Variants in C3orf52 observed in about 807,000 individuals in gnomAD.
C3orf52 encodes TPA-induced transmembrane protein.
C3orf52 carries 22 observed loss-of-function variants against 24.8 expected under a neutral mutation model. That is an observed-to-expected ratio of 0.89 (90% CI 0.63 to 1.27). The LOEUF (loss-of-function observed/expected upper bound fraction) is 1.27. C3orf52 is among the 50% of genes most tolerant of loss of function. The pLI, the probability that C3orf52 is intolerant of heterozygous loss-of-function variation, is 0.00. For missense variants in C3orf52, 265 were observed against 260.7 expected (o/e 1.02, Z -0.11); for synonymous variants, 93 against 100.2 (o/e 0.93, Z 0.43).
downstream of C3orf52, chr3:112,130,608 TTGTG>T: frequency 1.8e-6 from 2 of 1,096,606 alleles, no homozygotes; most frequent in South Asian, 1.2e-5. Context: ...TTTCTGCTAT[TTGTG>T]TGTAACTCAG....
chr3:112,134,731 A>G (rs1402942538), downstream of C3orf52: 3 of 152,784 alleles, frequency 2.0e-5, no homozygotes, highest in African/African-American at 7.2e-5. Flanking sequence ...AAATAGCCCA[A>G]CTGATCTTCA....
At chr3:112,106,350 C>T (rs569611586) in intron 3 of C3orf52, among the ~76,000 whole-genome samples, 2 of 152,138 alleles carry the variant, frequency 1.3e-5, no homozygotes, top group South Asian at 4.1e-4. Flanking sequence ...TGCTCAGTCT[C>T]CCGAGTAGCT....
downstream of C3orf52, chr3:112,130,399 C>T (rs780261537): frequency 1.1e-5 from 17 of 1,509,156 alleles, no homozygotes; most frequent in Non-Finnish European, 1.5e-5. Flanking sequence ...ATACTTCGTT[C>T]TCCTTGGGCA....
At chr3:112,097,221 A>C (rs747034682) in intron 2 of C3orf52, among the ~76,000 whole-genome samples, 2 of 152,312 alleles carry the variant, frequency 1.3e-5, no homozygotes, top group Middle Eastern at 3.4e-3. Flanking sequence ...CCTTTCTTCA[A>C]TAATTCACCC....
chr3:112,107,478 G>A (rs1261178280), intron 3 of C3orf52, among the ~76,000 whole-genome samples: 1 of 152,216 alleles, frequency 6.6e-6, no homozygotes, highest in Non-Finnish European at 1.5e-5. Flanking sequence ...CAATGACTCA[G>A]TCATTTTCTC....
downstream of C3orf52, chr3:112,132,627 C>T: frequency 1.0e-6 from 1 of 985,678 alleles, no homozygotes; most frequent in Non-Finnish European, 1.2e-6. Flanking sequence ...TCTAGATGAC[C>T]TCTGCTTACC....
At chr3:112,091,237 A>C (rs1381832066) in intron 1 of C3orf52, among the ~76,000 whole-genome samples, 1 of 152,170 alleles carries the variant, frequency 6.6e-6, no homozygotes, top group African/African-American at 2.4e-5. Flanking sequence ...CGTTAAATGT[A>C]TATTACTTGT....
intron 4 of C3orf52, among the ~76,000 whole-genome samples, chr3:112,124,237 A>G (rs1344970953): frequency 1.3e-5 from 2 of 152,178 alleles, no homozygotes; most frequent in South Asian, 2.1e-4. Flanking sequence ...ATATTCCTTT[A>G]TAGCAACACA....
intron 5 of C3orf52, 65 bp downstream of exon 5, chr3:112,113,210 A>ATCGAACCAAGCCAAT: frequency 7.2e-7 from 1 of 1,384,614 alleles, no homozygotes; most frequent in Non-Finnish European, 9.8e-7. Context: ...TTGGGGTCAA[A>ATCGAACCAAGCCAAT]TTGGCTTGGT....
downstream of C3orf52, chr3:112,133,481 T>A: frequency 4.7e-6 from 1 of 212,576 alleles, no homozygotes; most frequent in Middle Eastern, 1.6e-3. Flanking sequence ...TAAATCACGT[T>A]GTCTTCTTAG....
downstream of C3orf52, chr3:112,130,557 A>C (rs1435582304): frequency 6.5e-7 from 1 of 1,529,034 alleles, no homozygotes. Flanking sequence ...TTTCCTAAAC[A>C]GGCCTGTCAC....
downstream of C3orf52, chr3:112,118,291 T>C (rs2074157094): frequency 6.6e-6 from 1 of 152,230 alleles, no homozygotes; most frequent in South Asian, 2.1e-4. Flanking sequence ...TGAGCATAAT[T>C]TTTTTCATTT....
intron 1 of C3orf52, among the ~76,000 whole-genome samples, chr3:112,087,383 A>G (rs1160907702): frequency 6.6e-6 from 1 of 152,176 alleles, no homozygotes; most frequent in Non-Finnish European, 1.5e-5. Context: ...AAAGACTTGT[A>G]AAACATCAGA....
At position 112,112,876 on chromosome 3, in the gene C3orf52, T is replaced by TAAA. The variant is rs76778672; in HGVS notation, c.468-77_468-75dup. The TAAA allele has an allele frequency of 5.0e-3, 4,727 of 948,816 alleles. 26 individuals are homozygous for TAAA. The highest frequency in any genetic ancestry group is 0.026 in the African/African-American group (1,496 of 58,598). 58.8% of individuals were successfully genotyped at this position (948,816 alleles called of 1,614,324 possible). Reference sequence around the variant, plus strand: ...TTTGTACTGGAAGAACATGCAAAACTAAAAAAAAAAAAAGTTATTGCTTAA... The same window carrying TAAA: ...TTTGTACTGGAAGAACATGCAAAACTAAAAAAAAAAAAAAAAGTTATTGCTTAA... On this transcript the variant is annotated intron_variant, in intron 4 of 5. Coordinates refer to ENST00000264848, the MANE Select transcript of C3orf52 (RefSeq NM_024616.3).
At chr3:112,102,798 T>G in intron 2 of C3orf52, 40 bp from the exon 3 acceptor site, 1 of 1,512,638 alleles carries the variant, frequency 6.6e-7, no homozygotes, top group Non-Finnish European at 8.9e-7. Context: ...TGCAGGTGTT[T>G]ACTTTTGTTT....
At chr3:112,090,468 A>G (rs923475372) in intron 1 of C3orf52, among the ~76,000 whole-genome samples, 7 of 149,686 alleles carry the variant, frequency 4.7e-5, no homozygotes, top group African/African-American at 7.5e-5. Flanking sequence ...CTATTTTTTT[A>G]TTTTTATTTT....
intron 2 of C3orf52, among the ~76,000 whole-genome samples, chr3:112,097,190 T>C (rs1251610985): frequency 6.6e-6 from 1 of 152,214 alleles, no homozygotes; most frequent in Non-Finnish European, 1.5e-5. Context: ...GGAGGATCAG[T>C]TGAGTGTTCT....
At chr3:112,111,160 G>T (rs1234888327) in intron 4 of C3orf52, among the ~76,000 whole-genome samples, 1 of 152,248 alleles carries the variant, frequency 6.6e-6, no homozygotes, top group Non-Finnish European at 1.5e-5. Context: ...AGTGAGCTGA[G>T]ATCGCACCAT....
chr3:112,125,170 G>A, intron 4 of C3orf52: 2 of 1,115,530 alleles, frequency 1.8e-6, no homozygotes, highest in East Asian at 2.3e-5. Flanking sequence ...CTGCCATTTA[G>A]GGTGTCTGTA....
Sources: allele counts gnomAD v4.1 joint callset (sites outside exome capture counted in the v4.1 genomes callset), GRCh38; gene constraint gnomAD v4.1.1; transcripts MANE v1.5; gene names NCBI Gene and HGNC (gene_info 2026-07-23, HGNC 2026-07-21).